PRKG1: variants seen among roughly 807,000 people sequenced by gnomAD.
PRKG1 encodes the protein cGMP-dependent protein kinase 1.
Under a neutral mutation model 88.1 loss-of-function variants are expected in PRKG1, and 35 were observed. That is an observed-to-expected ratio of 0.40 (90% CI 0.30 to 0.53). The LOEUF is 0.53. Among genes scored for constraint, PRKG1 ranks in the 20% least tolerant of loss-of-function variants. PRKG1 has a pLI of 0.59. For missense variants in PRKG1, 540 were observed against 839.8 expected, an observed-to-expected ratio of 0.64 and a Z score of 4.41; for synonymous variants, 303 against 292.5, an observed-to-expected ratio of 1.04 and a Z score of -0.37.
At chr10:51,970,019 C>T (rs972657843) in intron 5 of PRKG1, among the ~76,000 whole-genome samples, 2 of 50,748 alleles carry the variant, frequency 3.9e-5, no homozygotes, top group African/African-American at 1.1e-4. Flanking sequence ...CACACACACA[C>T]ACACACACAC....
chr10:51,928,105 T>A (rs1842616813), intron 5 of PRKG1, among the ~76,000 whole-genome samples: 1 of 152,124 alleles, frequency 6.6e-6, no homozygotes, highest in Non-Finnish European at 1.5e-5. Flanking sequence ...TCAGGAGGCC[T>A]CCTGAGGCTT....
At chr10:51,633,566 A>G (rs1311128851) in intron 3 of PRKG1, among the ~76,000 whole-genome samples, 4 of 152,320 alleles carry the variant, frequency 2.6e-5, no homozygotes, top group African/African-American at 9.6e-5. Context: ...AAGTGAAGGC[A>G]TAAACATGAT....
intron 3 of PRKG1, among the ~76,000 whole-genome samples, chr10:51,662,306 C>G (rs1428785995): frequency 6.6e-6 from 1 of 152,004 alleles, no homozygotes; most frequent in African/African-American, 2.4e-5. Flanking sequence ...CATAAAAAGA[C>G]AGAAACTGGT....
intron 5 of PRKG1, among the ~76,000 whole-genome samples, chr10:51,925,097 G>A (rs887244496): frequency 2.0e-5 from 3 of 151,002 alleles, no homozygotes; most frequent in Non-Finnish European, 3.0e-5. Flanking sequence ...TAATTTGTTT[G>A]CTTTTATGTT....
chr10:51,484,477 A>G (rs1357783282), intron 3 of PRKG1, among the ~76,000 whole-genome samples: 1 of 152,162 alleles, frequency 6.6e-6, no homozygotes, highest in Non-Finnish European at 1.5e-5. Flanking sequence ...GGATTGCAAC[A>G]TGTTGCCAAG....
chr10:51,429,371 C>G (rs1366682612), intron 2 of PRKG1, among the ~76,000 whole-genome samples: 2 of 152,130 alleles, frequency 1.3e-5, no homozygotes, highest in African/African-American at 4.8e-5. Flanking sequence ...ACTAACAAAA[C>G]TGGAATCCAG....
chr10:51,224,787 A>C (rs532253600), intron 2 of PRKG1, among the ~76,000 whole-genome samples: 1 of 152,144 alleles, frequency 6.6e-6, no homozygotes, highest in Non-Finnish European at 1.5e-5. Flanking sequence ...TTTCATCATC[A>C]TGTTTATTCT....
intron 5 of PRKG1, among the ~76,000 whole-genome samples, chr10:51,993,139 C>A (rs1309965908): frequency 6.6e-6 from 1 of 152,164 alleles, no homozygotes; most frequent in Admixed American, 6.5e-5. Flanking sequence ...CTTACCTCCT[C>A]ATTATATATC....
intron 3 of PRKG1, among the ~76,000 whole-genome samples, chr10:51,748,204 G>T (rs1837629741): frequency 6.6e-6 from 1 of 152,162 alleles, no homozygotes; most frequent in Non-Finnish European, 1.5e-5. Flanking sequence ...TGACCATTAT[G>T]CTTGTAATGG....
rs1253466076 is a variant in PRKG1 at position 52,067,863 on chromosome 10, T to C, written c.935+5232T>C. 2.6e-5 allele frequency among the ~76,000 whole-genome samples: 4 copies of C among 152,292 alleles called. No homozygotes were observed. The East Asian group carries it at 7.8e-4, about 30-fold the overall frequency. ...AGCAATCACTTCACGTTTAGTTCAA[T>C]AACTCATAAGTCAATCCATCTATAC... On this transcript the variant is annotated intron_variant, in intron 7 of 17. Transcript: ENST00000373980.
In PRKG1 at chr10:51,898,549, T is replaced by A. The variant is rs145824376; in HGVS notation, c.699-8958T>A. On this transcript the variant is annotated intron_variant, in intron 4 of 17. Coordinates refer to ENST00000373980, the MANE Select transcript of PRKG1 (RefSeq NM_006258.4). ...ATTTTTTTCCAATATTAAAAAAAAA[T>A]TTTGGCCAGGCACAGTGGCTCATGC... Among the ~76,000 whole-genome samples, 1,211 of 152,042 alleles carry A rather than the reference T, an allele frequency of 8.0e-3. 17 individuals carry two copies. The highest frequency in any genetic ancestry group is 0.025 in the African/African-American group (1,044 of 41,474).
At chr10:51,953,152 A>G (rs1843224088) in intron 5 of PRKG1, among the ~76,000 whole-genome samples, 1 of 152,214 alleles carries the variant, frequency 6.6e-6, no homozygotes, top group South Asian at 2.1e-4. Context: ...ATCAGAAATG[A>G]TGGCTGCAGA....
At position 52,296,353 on chromosome 10, in the gene PRKG1, G is replaced by C. The variant is rs1329474181; in HGVS notation, c.*2453G>C. ...TTCTCCCACTTGTTACTGCATCTTT[G>C]TTCATTTCACCCATAGCATTGCATT... On this transcript the variant is annotated 3_prime_UTR_variant, in exon 18 of 18. Transcript: ENST00000373980. 2.0e-5 allele frequency: 3 copies of C among 152,004 alleles called. No homozygotes were observed. Among genetic ancestry groups the C allele is most frequent in the Non-Finnish European group, 4.4e-5 (3 of 67,940 alleles). 9.4% of individuals were successfully genotyped at this position (152,004 alleles called of 1,614,324 possible). A position where few individuals can be genotyped will look rare whatever the true frequency, so the allele number is the denominator to read the frequency against.
chr10:51,964,567 G>T (rs1843523312), intron 5 of PRKG1, among the ~76,000 whole-genome samples: 1 of 152,188 alleles, frequency 6.6e-6, no homozygotes, highest in Admixed American at 6.5e-5. Flanking sequence ...AAATGTATTT[G>T]AAACAGGTTG....
chr10:51,071,494 G>T (rs1464335688), upstream of PRKG1, among the ~76,000 whole-genome samples: 1 of 152,014 alleles, frequency 6.6e-6, no homozygotes, highest in Non-Finnish European at 1.5e-5. Flanking sequence ...TGTCTTTTCA[G>T]CTTTTTACTC....
At chr10:51,983,004 G>A (rs1004676962) in intron 5 of PRKG1, among the ~76,000 whole-genome samples, 3 of 152,148 alleles carry the variant, frequency 2.0e-5, no homozygotes, top group African/African-American at 4.8e-5. Context: ...TGGGGCACTG[G>A]TGGCCTCTTT....
chr10:52,183,034 C>A (rs1171238176), intron 9 of PRKG1, among the ~76,000 whole-genome samples: 2 of 152,120 alleles, frequency 1.3e-5, no homozygotes, highest in Admixed American at 1.3e-4. Context: ...GTATCAGGTT[C>A]TTTTAAACAA....
intron 2 of PRKG1, among the ~76,000 whole-genome samples, chr10:51,307,071 A>G (rs1841058058): frequency 6.6e-6 from 1 of 152,168 alleles, no homozygotes; most frequent in Non-Finnish European, 1.5e-5. Context: ...TTAGAGAAAT[A>G]TCAACAAACT....
At chr10:52,291,939 G>A (rs10824338) in intron 17 of PRKG1, among the ~76,000 whole-genome samples, 11 of 151,660 alleles carry the variant, frequency 7.3e-5, no homozygotes, top group African/African-American at 2.2e-4. Context: ...TTTAATGATC[G>A]CCATTCTAAC....
Sources: allele counts gnomAD v4.1 joint callset (sites outside exome capture counted in the v4.1 genomes callset), GRCh38; gene constraint gnomAD v4.1.1; transcripts MANE v1.5; gene names NCBI Gene and HGNC (gene_info 2026-07-23, HGNC 2026-07-21).